Variants in NLGN4X observed in about 807,000 individuals in gnomAD.
NLGN4X encodes neuroligin 4 X-linked, also known as neuroligin-4, X-linked.
A neutral mutation model predicts 40.3 loss-of-function variants in NLGN4X; 3 were observed. The observed-to-expected ratio is 0.07, with a 90% confidence interval of 0.03 to 0.19. The LOEUF is 0.19. NLGN4X is among the 10% of genes least tolerant of loss of function. NLGN4X has a pLI of 1.00. For synonymous variants in NLGN4X, 270 were observed against 306.8 expected, an observed-to-expected ratio of 0.88 and a Z score of 1.25; for missense variants, 382 against 708.3, an observed-to-expected ratio of 0.54 and a Z score of 5.23.
At chrX:6,083,408 C>T (rs1301313067) in intron 2 of NLGN4X, among the ~76,000 whole-genome samples, 1 of 111,949 alleles carries the variant, frequency 8.9e-6, no homozygotes, top group East Asian at 2.8e-4. Context: ...AAATACATTT[C>T]TATTTTTTAT....
At chrX:5,909,650 G>T (rs1264302035) in intron 3 of NLGN4X, among the ~76,000 whole-genome samples, 1 of 108,000 alleles carries the variant, frequency 9.3e-6, no homozygotes, top group African/African-American at 3.4e-5. Flanking sequence ...CGTGTGTGGG[G>T]GGGGGAGGGG....
intron 3 of NLGN4X, among the ~76,000 whole-genome samples, chrX:5,945,888 C>T (rs910423915): frequency 5.4e-5 from 6 of 111,390 alleles, no homozygotes; most frequent in African/African-American, 2.0e-4. Context: ...AAGCCACTTG[C>T]ATGATATTCG....
chrX:6,038,807 T>C (rs889616288), intron 2 of NLGN4X, among the ~76,000 whole-genome samples: 2 of 112,170 alleles, frequency 1.8e-5, no homozygotes, highest in Non-Finnish European at 3.8e-5. Context: ...CAAAGTGTCA[T>C]GCCTACTGAA....
intron 1 of NLGN4X, among the ~76,000 whole-genome samples, chrX:6,172,639 A>G (rs2040633046): frequency 9.0e-6 from 1 of 111,509 alleles, no homozygotes; most frequent in Non-Finnish European, 1.9e-5. Context: ...TGTCTGTGCT[A>G]CCTCCAGATG....
At chrX:5,968,438 C>CTCTCTCTCT (rs1569159120) in intron 3 of NLGN4X, among the ~76,000 whole-genome samples, 14 of 15,092 alleles carry the variant, frequency 9.3e-4, no homozygotes, top group Middle Eastern at 0.04. Context: ...TGTAAGTACC[C>CTCTCTCTCT]CTCTCTCTCT....
chrX:6,087,127 A>AT (rs201820385), intron 2 of NLGN4X, among the ~76,000 whole-genome samples: 1,292 of 112,102 alleles, frequency 0.012, 16 homozygotes, highest in African/African-American at 0.04. Context: ...ACTACAAAGA[A>AT]TTTTTTAAAA....
chrX:6,151,407 C>T lies in NLGN4X; in HGVS notation c.60G>A (p.Met20Ile), dbSNP rs1038013179. The T allele has an allele frequency of 8.3e-7, 1 of 1,209,925 alleles. No individual in the cohort carries two copies. The highest frequency in any genetic ancestry group is 1.8e-5 in the African/African-American group (1 of 57,082). The change falls in exon 2 of 6, where the codon ATG (methionine) becomes ATA (isoleucine). Residue 20 changes from methionine to isoleucine, a missense_variant. Around this residue, in one of 5 missense-constraint regions of NLGN4X, gnomAD observed 115 missense variants for 149.6 expected, o/e 0.77. Coordinates refer to ENST00000381095, the MANE Select transcript of NLGN4X (RefSeq NM_181332.3). ...ACCACAGGAGGACATTGGAGTTTAA[C>T]ATGACGCAGACCGGGGTGAACAACA... ...LPLLFTPVCV[M>I]LNSNVLLWLT...
At chrX:6,132,082 C>T (rs2039691912) in intron 2 of NLGN4X, among the ~76,000 whole-genome samples, 1 of 111,848 alleles carries the variant, frequency 8.9e-6, no homozygotes, top group Non-Finnish European at 1.9e-5. Context: ...AAACCTGTCC[C>T]CTCCCCAAAG....
chrX:5,911,224 A>C (rs981976974), intron 3 of NLGN4X, among the ~76,000 whole-genome samples: 1 of 111,899 alleles, frequency 8.9e-6, no homozygotes, highest in Non-Finnish European at 1.9e-5. Context: ...TTCTGTCTTC[A>C]GCACGTCTTT....
intron 2 of NLGN4X, among the ~76,000 whole-genome samples, chrX:6,045,509 G>C (rs1357505486): frequency 9.0e-6 from 1 of 111,657 alleles, no homozygotes; most frequent in Non-Finnish European, 1.9e-5. Context: ...AAGGAATTAG[G>C]TTGACTCTAC....
chrX:6,003,627 G>T (rs2036027305), intron 3 of NLGN4X, among the ~76,000 whole-genome samples: 1 of 111,957 alleles, frequency 8.9e-6, no homozygotes, highest in African/African-American at 3.2e-5. Flanking sequence ...GGCTGTGCCT[G>T]TTGCTGCCTC....
At chrX:6,156,209 T>G (rs1229398336) in intron 1 of NLGN4X, among the ~76,000 whole-genome samples, 1 of 112,241 alleles carries the variant, frequency 8.9e-6, no homozygotes, top group East Asian at 2.8e-4. Context: ...CGGAATACTA[T>G]GCAGCCATAA....
At chrX:6,065,278 A>C (rs1312944368) in intron 2 of NLGN4X, among the ~76,000 whole-genome samples, 1 of 110,849 alleles carries the variant, frequency 9.0e-6, no homozygotes, top group Non-Finnish European at 1.9e-5. Context: ...AAAATTGAAA[A>C]AGAAAAAATA....
At chrX:5,897,364 C>A (rs2031551043) in intron 5 of NLGN4X, among the ~76,000 whole-genome samples, 1 of 111,893 alleles carries the variant, frequency 8.9e-6, no homozygotes, top group Non-Finnish European at 1.9e-5. Flanking sequence ...AACCCTTTTT[C>A]TCCTATTCCC....
chrX:6,092,845 A>T (rs931506386), intron 2 of NLGN4X, among the ~76,000 whole-genome samples: 1 of 111,882 alleles, frequency 8.9e-6, no homozygotes, highest in African/African-American at 3.2e-5. Context: ...GGAAAATCTT[A>T]CAAAAAACAG....
intron 1 of NLGN4X, among the ~76,000 whole-genome samples, chrX:6,153,114 T>C (rs60973092): frequency 0.26 from 28,876 of 111,797 alleles, 2,698 homozygotes; most frequent in Admixed American, 0.29. Context: ...CAAATGTGTT[T>C]CTAAGGATTT....
intron 3 of NLGN4X, among the ~76,000 whole-genome samples, chrX:5,947,086 G>A (rs978181029): frequency 8.9e-6 from 1 of 111,883 alleles, no homozygotes; most frequent in Non-Finnish European, 1.9e-5. Flanking sequence ...ACCACTGAGG[G>A]ACATTTAAGT....
At chrX:5,996,534 G>A (rs947834576) in intron 3 of NLGN4X, among the ~76,000 whole-genome samples, 2 of 111,454 alleles carry the variant, frequency 1.8e-5, no homozygotes, top group Non-Finnish European at 3.8e-5. Context: ...ATTTACCGGT[G>A]CAGTTTCTGA....
rs2035248314 is a variant in NLGN4X, at chrX:5,978,277, TTTCTTTCTTTCTTTC to T, written c.625+50988_625+51002del. ...AAAAAGACAGGCGTCTCTTTTTTTC[TTTCTTTCTTTCTTTC>T]TTTCTTTCTTTCTTTCTTTCTTTCT... is the stretch of plus-strand genomic sequence containing the variant. On this transcript the variant is annotated intron_variant, in intron 3 of 5. Coordinates refer to ENST00000381095, the MANE Select transcript of NLGN4X (RefSeq NM_181332.3). Among the ~76,000 whole-genome samples the T allele has an allele frequency of 1.5e-3, 2 of 1,292 alleles. 1 individual carries two copies. Among genetic ancestry groups the T allele is most frequent in the African/African-American group, 7.4e-3 (2 of 271 alleles). 1.1% of individuals were successfully genotyped at this position (1,292 alleles called of 115,157 possible).
Sources: allele counts gnomAD v4.1 joint callset (sites outside exome capture counted in the v4.1 genomes callset), GRCh38; gene constraint gnomAD v4.1.1; regional missense constraint gnomAD v4.1.1; transcripts MANE v1.5; gene names NCBI Gene and HGNC (gene_info 2026-07-23, HGNC 2026-07-21).